The following ARB2A variants were observed in gnomAD, a reference collection of about 807,000 sequenced individuals.
ARB2A encodes cotranscriptional regulator ARB2A.
the ARB2A span, among the ~76,000 whole-genome samples, chr5:94,061,805 T>C: frequency 2.6e-5 from 4 of 152,200 alleles, no homozygotes; most frequent in African/African-American, 9.7e-5. Flanking sequence ...AAGATTTAAA[T>C]AGACATATCA....
chr5:94,088,671 CA>C, the ARB2A span, among the ~76,000 whole-genome samples: 1 of 151,914 alleles, frequency 6.6e-6, no homozygotes, highest in African/African-American at 2.4e-5. Flanking sequence ...GACCCTGTCT[CA>C]AAAAAGTAAT....
At chr5:93,794,196 CTTGT>C in the ARB2A span, among the ~76,000 whole-genome samples, 2 of 152,126 alleles carry the variant, frequency 1.3e-5, no homozygotes, top group Non-Finnish European at 2.9e-5. Flanking sequence ...CTTTCTTCTG[CTTGT>C]TTGATTCCAT....
At chr5:94,004,596 A>G in the ARB2A span, among the ~76,000 whole-genome samples, 2 of 150,618 alleles carry the variant, frequency 1.3e-5, no homozygotes, top group African/African-American at 4.9e-5. Flanking sequence ...AAAAAAAAAA[A>G]TTTTTTTTTG....
the ARB2A span, among the ~76,000 whole-genome samples, chr5:93,723,879 A>G: frequency 5.9e-5 from 9 of 152,180 alleles, no homozygotes; most frequent in Middle Eastern, 3.4e-3. Context: ...TTCAAATACC[A>G]TCTGTGAAGC....
chr5:94,079,807 G>GA, the ARB2A span, among the ~76,000 whole-genome samples: 5 of 152,086 alleles, frequency 3.3e-5, no homozygotes, highest in South Asian at 8.3e-4. Flanking sequence ...ACAAGCATCT[G>GA]AAAAAAGGGC....
chr5:93,883,122 T>C, the ARB2A span, among the ~76,000 whole-genome samples: 18 of 151,566 alleles, frequency 1.2e-4, no homozygotes, highest in Non-Finnish European at 1.8e-4. Context: ...AATTGTTTTC[T>C]ATTTTTTCCT....
At chr5:93,829,211 C>T in the ARB2A span, among the ~76,000 whole-genome samples, 1 of 152,096 alleles carries the variant, frequency 6.6e-6, no homozygotes, top group Non-Finnish European at 1.5e-5. Flanking sequence ...ATACCTTGAC[C>T]CCAAACACAT....
At chr5:93,790,629 C>T in the ARB2A span, among the ~76,000 whole-genome samples, 1 of 152,190 alleles carries the variant, frequency 6.6e-6, no homozygotes, top group African/African-American at 2.4e-5. Flanking sequence ...TTTCCTCCCA[C>T]CAGTGAACCC....
At chr5:93,623,255 CAAAA>C in the ARB2A span, among the ~76,000 whole-genome samples, 1 of 123,524 alleles carries the variant, frequency 8.1e-6, no homozygotes, top group Non-Finnish European at 1.8e-5. Flanking sequence ...TACAATAAGC[CAAAA>C]AAAAAAAAAA....
chr5:93,773,938 T>C, the ARB2A span, among the ~76,000 whole-genome samples: 1 of 152,274 alleles, frequency 6.6e-6, no homozygotes, highest in African/African-American at 2.4e-5. Flanking sequence ...TGGCTAATAT[T>C]AAAAAATTTT....
the ARB2A span, among the ~76,000 whole-genome samples, chr5:93,955,233 C>T: frequency 1.3e-5 from 2 of 152,164 alleles, no homozygotes; most frequent in African/African-American, 4.8e-5. Context: ...ATTTAGCCAT[C>T]TTCCTCTGCC....
chr5:94,011,439 T>C, the ARB2A span, among the ~76,000 whole-genome samples: 3 of 152,182 alleles, frequency 2.0e-5, no homozygotes, highest in Non-Finnish European at 2.9e-5. Context: ...GGAAGGGATG[T>C]TTGTATGTTT....
At chr5:93,752,335 T>C in the ARB2A span, among the ~76,000 whole-genome samples, 1 of 152,198 alleles carries the variant, frequency 6.6e-6, no homozygotes, top group Non-Finnish European at 1.5e-5. Flanking sequence ...AAAGGAATAG[T>C]GTTTCCATAT....
At chr5:93,683,433 G>T in the ARB2A span, 1 of 1,601,072 alleles carries the variant, frequency 6.2e-7, no homozygotes, top group South Asian at 1.1e-5. Flanking sequence ...ACCACTGGTG[G>T]TGTTATTTCA....
At chr5:93,756,732 GC>G in the ARB2A span, among the ~76,000 whole-genome samples, 1 of 151,328 alleles carries the variant, frequency 6.6e-6, no homozygotes, top group African/African-American at 2.4e-5. Context: ...CAGCCTTCAA[GC>G]CCTAGACCTT....
At chr5:93,704,080 T>C in the ARB2A span, among the ~76,000 whole-genome samples, 17 of 150,554 alleles carry the variant, frequency 1.1e-4, no homozygotes, top group African/African-American at 4.1e-4. Context: ...TGACTCAAAA[T>C]GGCTTCAAAG....
At chr5:93,929,792 A>G in the ARB2A span, among the ~76,000 whole-genome samples, 4 of 152,218 alleles carry the variant, frequency 2.6e-5, no homozygotes, top group Admixed American at 1.3e-4. Context: ...AAATTATTCT[A>G]TTCAAACTGG....
chr5:93,740,949 G>T, the ARB2A span: 18 of 1,613,944 alleles, frequency 1.1e-5, 1 homozygote, highest in African/African-American at 9.3e-5. Flanking sequence ...ACTGTTGCAG[G>T]ATCATCTCCA....
chr5:93,657,150 C>G, the ARB2A span, among the ~76,000 whole-genome samples: 2 of 152,148 alleles, frequency 1.3e-5, no homozygotes, highest in Admixed American at 6.6e-5. Context: ...AAGACGATGG[C>G]CTCTCTCAGG....
Sources: gnomAD v4.1 joint callset for allele counts (sites outside exome capture counted in the v4.1 genomes callset) on GRCh38, gnomAD v4.1.1 for gene constraint, MANE v1.5 for transcripts, NCBI Gene and HGNC (gene_info 2026-07-23, HGNC 2026-07-21) for gene names.